Variants in ATP13A5 observed in about 807,000 individuals in gnomAD.
ATP13A5 encodes ATPase 13A5.
In ATP13A5, 149 loss-of-function variants were observed where a neutral mutation model predicts 150.2. The ratio of observed to expected loss-of-function variants is 0.99; its 90% CI spans 0.87 to 1.14. ATP13A5 has a LOEUF of 1.14. Among genes scored for constraint, ATP13A5 ranks in the 50% most tolerant of loss-of-function variants. The pLI is 0.00. For synonymous variants in ATP13A5, 497 were observed against 522.2 expected (o/e 0.95, Z 0.66); for missense variants, 1,383 against 1,449.3 (o/e 0.95, Z 0.74).
intron 25 of ATP13A5, among the ~76,000 whole-genome samples, chr3:193,295,779 G>A (rs1267939521): frequency 6.6e-6 from 1 of 152,164 alleles, no homozygotes; most frequent in African/African-American, 2.4e-5. Flanking sequence ...CTATAAGCAT[G>A]TCTGTTCCTG....
At chr3:193,320,763 A>G (rs1172815891) in intron 16 of ATP13A5, among the ~76,000 whole-genome samples, 1 of 152,206 alleles carries the variant, frequency 6.6e-6, no homozygotes, top group East Asian at 1.9e-4. Context: ...AAAAAGACCA[A>G]TTTTATCCAA....
chr3:193,296,839 TG>T (rs1356127602), intron 25 of ATP13A5, among the ~76,000 whole-genome samples: 2 of 152,120 alleles, frequency 1.3e-5, no homozygotes, highest in African/African-American at 2.4e-5. Context: ...TTTTTCCATT[TG>T]TTCCTCAGCA....
At chr3:193,324,739 TG>T (rs1321626907) in intron 14 of ATP13A5, 124 bp downstream of exon 14, 2 of 1,027,438 alleles carry the variant, frequency 1.9e-6, no homozygotes, top group Non-Finnish European at 2.8e-6. Flanking sequence ...GTTCTGGTAG[TG>T]TTACACGCTT....
chr3:193,292,217 A>G (rs1717982535), intron 25 of ATP13A5, among the ~76,000 whole-genome samples: 1 of 152,142 alleles, frequency 6.6e-6, no homozygotes, highest in Admixed American at 6.6e-5. Flanking sequence ...TTGTGCTTTC[A>G]GGTCACAGAA....
rs139251604 is a variant in ATP13A5 at position 193,327,023 on chromosome 3, C to T, written c.1496G>A (p.Trp499Ter). The T allele has an allele frequency of 1.1e-4, 182 of 1,612,696 alleles. No individual in the cohort carries two copies. Among genetic ancestry groups the T allele is most frequent in the Non-Finnish European group, 1.4e-4 (171 of 1,179,752 alleles). ...GTTGTCAGCAGTAGGGACAGTCCCCCAGAGGTCCAGCCCATCTTCAGTGAG... is the reference window on the plus strand; with the variant it reads ...GTTGTCAGCAGTAGGGACAGTCCCCTAGAGGTCCAGCCCATCTTCAGTGAG... ...GTLTEDGLDL[W>*]GTVPTADNCF... Residue 499 changes from tryptophan (W) to a stop codon, truncating the protein, a stop_gained, in exon 13 of 30, where the codon TGG (tryptophan) becomes TAG (stop). Transcript: ENST00000342358. LOFTEE classifies it high-confidence loss of function.
chr3:193,279,734 G>C (rs537697474), intron 27 of ATP13A5, among the ~76,000 whole-genome samples: 1 of 152,178 alleles, frequency 6.6e-6, no homozygotes, highest in South Asian at 2.1e-4. Flanking sequence ...TGCGTGTCCA[G>C]TGAGTTGTGC....
intron 13 of ATP13A5, among the ~76,000 whole-genome samples, chr3:193,326,772 C>A (rs752170841): frequency 6.6e-6 from 1 of 152,174 alleles, no homozygotes. Context: ...AATTATCCAC[C>A]TCATCCTACT....
intron 22 of ATP13A5, among the ~76,000 whole-genome samples, chr3:193,305,888 T>TGCATGCGTGTGTGC (rs1718595362): frequency 6.6e-6 from 1 of 152,144 alleles, no homozygotes; most frequent in African/African-American, 2.4e-5. Context: ...GTGGTGTGTG[T>TGCATGCGTGTGTGC]ACATGCATGC....
chr3:193,307,296 G>A, intron 22 of ATP13A5, 31 bp downstream of exon 22: 1 of 1,613,392 alleles, frequency 6.2e-7, no homozygotes, highest in Non-Finnish European at 8.5e-7. Flanking sequence ...TTAGTGAGTG[G>A]CTTGTCTGAG....
chr3:193,345,955 T>A (rs1167645469), intron 7 of ATP13A5, among the ~76,000 whole-genome samples: 1 of 152,092 alleles, frequency 6.6e-6, no homozygotes, highest in African/African-American at 2.4e-5. Flanking sequence ...GTTTGGGTTG[T>A]GTTCTGATTG....
intron 14 of ATP13A5, chr3:193,323,828 T>G (rs1190282601): frequency 1.3e-5 from 2 of 152,230 alleles, no homozygotes; most frequent in Non-Finnish European, 2.9e-5. Context: ...GTCTTTGTAT[T>G]AGCTTCTTTG....
chr3:193,365,274 T>C (rs1283493141), intron 1 of ATP13A5, among the ~76,000 whole-genome samples: 3 of 152,166 alleles, frequency 2.0e-5, no homozygotes. Context: ...TAGAGCACTT[T>C]TGATGCGGGA....
chr3:193,364,773 C>A (rs773546164), intron 1 of ATP13A5, among the ~76,000 whole-genome samples: 1 of 151,914 alleles, frequency 6.6e-6, no homozygotes, highest in Admixed American at 6.6e-5. Flanking sequence ...TGATTGAGGA[C>A]GACGGAAAGT....
chr3:193,298,240 C>T (rs1032169510), intron 25 of ATP13A5, among the ~76,000 whole-genome samples: 1 of 151,946 alleles, frequency 6.6e-6, no homozygotes, highest in African/African-American at 2.4e-5. Context: ...CTTAAAATAT[C>T]CAGTGCTGTA....
At chr3:193,310,442 A>G (rs1718797273) in intron 21 of ATP13A5, among the ~76,000 whole-genome samples, 196 bp downstream of exon 21, 2 of 152,272 alleles carry the variant, frequency 1.3e-5, no homozygotes. Flanking sequence ...AGGAATTGTC[A>G]TACTGCTTTC....
In ATP13A5 at chr3:193,351,173, G is replaced by T; in HGVS notation, c.635C>A (p.Ala212Asp). 1.2e-6 allele frequency: 2 copies of T among 1,613,768 alleles called. No individual in the cohort carries two copies. The highest frequency in any genetic ancestry group is 2.2e-5 in the East Asian group (1 of 44,850). ...AGACAGCCACAAAGTTAGGGTGAAG[G>T]CTTGGAACACATAGAATGGATTTAA... is the stretch of plus-strand genomic sequence containing the variant. Reference protein sequence around the residue: ...QVLNPFYVFQAFTLTLWLSQG... With the variant: ...QVLNPFYVFQDFTLTLWLSQG... Residue 212 changes from alanine to aspartate, a missense_variant, in exon 7 of 30, where the codon GCC becomes GAC. This residue lies in a region of ATP13A5 where 787 missense variants were observed against 771.9 expected (regional missense o/e 1.02). Coordinates refer to ENST00000342358, the MANE Select transcript of ATP13A5 (RefSeq NM_198505.4).
chr3:193,322,568 C>A lies in ATP13A5; in HGVS notation c.1681G>T (p.Glu561Ter). Residue 561 changes from glutamate (E) to a stop codon, truncating the protein, a stop_gained, in exon 15 of 30, where the codon GAA (glutamate) becomes TAA (stop). Transcript: ENST00000342358. LOFTEE classifies it high-confidence loss of function. ...TTGCAGGAGTCTACAATGCAATCTT[C>A]CATTTTCTGTTATAAAATGAAAACA... ...KMFEGTAWKMEDCIVDSCKFG... is the reference protein window; with the variant it reads ...KMFEGTAWKM The A allele has an allele frequency of 6.2e-7, 1 of 1,606,414 alleles. No individual in the cohort carries two copies. The highest frequency in any genetic ancestry group is 8.5e-7 in the Non-Finnish European group (1 of 1,174,502).
At chr3:193,281,207 G>C (rs1717479440) in intron 27 of ATP13A5, 12 of 985,392 alleles carry the variant, frequency 1.2e-5, no homozygotes, top group Non-Finnish European at 1.4e-5. Flanking sequence ...GGAGTCCCAG[G>C]AACGCAGAAG....
At chr3:193,337,426 G>A (rs1711922695) in intron 9 of ATP13A5, among the ~76,000 whole-genome samples, 2 of 152,162 alleles carry the variant, frequency 1.3e-5, no homozygotes, top group South Asian at 4.1e-4. Context: ...AAGGTGTAAG[G>A]AAGGGATCCA....
Sources: gnomAD v4.1 joint callset for allele counts (sites outside exome capture counted in the v4.1 genomes callset) on GRCh38, gnomAD v4.1.1 for gene constraint, gnomAD v4.1.1 regional missense constraint, MANE v1.5 for transcripts, NCBI Gene and HGNC (gene_info 2026-07-23, HGNC 2026-07-21) for gene names.